Variants in GRM7 observed in about 807,000 individuals in gnomAD.
The protein encoded by GRM7 is glutamate metabotropic receptor 7.
In GRM7, 35 loss-of-function variants were observed where a neutral mutation model predicts 84.5. The ratio of observed to expected loss-of-function variants is 0.41; its 90% CI spans 0.32 to 0.55. The LOEUF is 0.55. GRM7 is among the 20% of genes least tolerant of loss of function. The probability of loss-of-function intolerance (pLI) is 0.19; values close to 1 mark genes in which losing one functional copy is unlikely to be tolerated. For missense variants in GRM7, 1,003 were observed against 1,194.6 expected (o/e 0.84, Z 2.36); for synonymous variants, 487 against 455.1 (o/e 1.07, Z -0.89).
intron 1 of GRM7, among the ~76,000 whole-genome samples, chr3:7,025,586 T>C (rs1695953585): frequency 6.6e-6 from 1 of 152,186 alleles, no homozygotes; most frequent in Non-Finnish European, 1.5e-5. Context: ...CCCTGAGTCA[T>C]GCCTGCAGAC....
intron 2 of GRM7, among the ~76,000 whole-genome samples, chr3:7,235,134 CCTATGTTACCTTA>C (rs1438433678): frequency 6.6e-6 from 1 of 152,208 alleles, no homozygotes; most frequent in African/African-American, 2.4e-5. Flanking sequence ...CCACATTAAA[CCTATGTTACCTTA>C]CTAGTTACTA....
chr3:7,093,990 A>G (rs1698766743), intron 1 of GRM7, among the ~76,000 whole-genome samples: 1 of 152,172 alleles, frequency 6.6e-6, no homozygotes, highest in African/African-American at 2.4e-5. Context: ...TTAGGTAGCC[A>G]TCTTTCCATC....
At chr3:7,075,270 A>G (rs1041899158) in intron 1 of GRM7, among the ~76,000 whole-genome samples, 2 of 152,154 alleles carry the variant, frequency 1.3e-5, no homozygotes, top group Non-Finnish European at 2.9e-5. Flanking sequence ...CTGAACACCC[A>G]GGGGAGGATT....
intron 2 of GRM7, among the ~76,000 whole-genome samples, chr3:7,260,740 T>C (rs1348898488): frequency 6.6e-6 from 1 of 151,432 alleles, no homozygotes; most frequent in Non-Finnish European, 1.5e-5. Flanking sequence ...TGATTTTTGT[T>C]ATTTCTTGTC....
intron 8 of GRM7, among the ~76,000 whole-genome samples, chr3:7,582,692 T>C (rs1695317710): frequency 6.6e-6 from 1 of 152,108 alleles, no homozygotes; most frequent in Non-Finnish European, 1.5e-5. Flanking sequence ...GTAATTTGAT[T>C]TCCACGGGAG....
intron 4 of GRM7, among the ~76,000 whole-genome samples, chr3:7,363,372 AAC>A (rs1395937379): frequency 1.3e-5 from 2 of 152,056 alleles, no homozygotes; most frequent in African/African-American, 4.8e-5. Flanking sequence ...ATCAAGACAA[AAC>A]AAAGTTAGAG....
At chr3:7,667,877 A>C (rs1235714819) in intron 8 of GRM7, among the ~76,000 whole-genome samples, 1 of 151,674 alleles carries the variant, frequency 6.6e-6, no homozygotes, top group African/African-American at 2.4e-5. Flanking sequence ...AAAAAAAAAA[A>C]ACTTCAACGC....
At chr3:6,900,898 G>A (rs771323754) in intron 1 of GRM7, among the ~76,000 whole-genome samples, 17 of 152,162 alleles carry the variant, frequency 1.1e-4, no homozygotes, top group Admixed American at 8.5e-4. Flanking sequence ...ACAAGATCCA[G>A]TGCAACATTC....
chr3:7,445,344 G>A (rs1319459227), intron 5 of GRM7, among the ~76,000 whole-genome samples: 1 of 152,168 alleles, frequency 6.6e-6, no homozygotes, highest in Non-Finnish European at 1.5e-5. Context: ...TGAAGTAACA[G>A]AGAGGCAAGA....
At position 7,151,581 on chromosome 3, in the gene GRM7, A is replaced by C. The variant is rs936345091; in HGVS notation, c.736+4913A>C. 6.6e-6 allele frequency among the ~76,000 whole-genome samples: 1 copy of C among 152,174 alleles called. No homozygotes were observed. The highest frequency in any genetic ancestry group is 1.5e-5 in the Non-Finnish European group (1 of 68,032). On this transcript the variant is annotated intron_variant, in intron 2 of 9. Transcript: ENST00000357716. This position sits in a 1 kb window ranked among gnomAD's most constrained non-coding sequence, Gnocchi z 4.5. ...TTGCCAATTTACTTTAAGCTCCATA[A>C]GGGCAAGGACATTTTCCTGTGTTTC... is the stretch of plus-strand genomic sequence containing the variant.
intron 7 of GRM7, among the ~76,000 whole-genome samples, chr3:7,505,908 A>G (rs1013696639): frequency 6.6e-6 from 1 of 152,154 alleles, no homozygotes; most frequent in Admixed American, 6.5e-5. Context: ...TTTGATCCAT[A>G]CTAATTTCCT....
chr3:7,241,331 A>G (rs1697551222), intron 2 of GRM7, among the ~76,000 whole-genome samples: 1 of 152,204 alleles, frequency 6.6e-6, no homozygotes, highest in African/African-American at 2.4e-5. Context: ...CTGCGTTGTC[A>G]TCATCATCCT....
intron 7 of GRM7, among the ~76,000 whole-genome samples, chr3:7,516,066 C>T (rs910042268): frequency 1.4e-5 from 2 of 147,656 alleles, no homozygotes; most frequent in Non-Finnish European, 3.0e-5. Context: ...ACTTGGGATG[C>T]TGAGGTGGGA....
At chr3:7,361,241 T>C (rs992981091) in intron 4 of GRM7, among the ~76,000 whole-genome samples, 1 of 152,110 alleles carries the variant, frequency 6.6e-6, no homozygotes, top group Non-Finnish European at 1.5e-5. Context: ...AACTAGATTA[T>C]TTTTAACGTG....
chr3:7,621,547 T>C (rs1697356160), intron 8 of GRM7, among the ~76,000 whole-genome samples: 1 of 152,106 alleles, frequency 6.6e-6, no homozygotes, highest in Non-Finnish European at 1.5e-5. Flanking sequence ...GGAGTTGAAA[T>C]GCTTGTGTAT....
At chr3:7,095,742 C>T (rs186979161) in intron 1 of GRM7, among the ~76,000 whole-genome samples, 1 of 152,138 alleles carries the variant, frequency 6.6e-6, no homozygotes, top group Non-Finnish European at 1.5e-5. Context: ...AAAATTATGA[C>T]TTCTGTGCCC....
At chr3:7,450,761 C>A (rs1192225400) in intron 5 of GRM7, among the ~76,000 whole-genome samples, 1 of 151,772 alleles carries the variant, frequency 6.6e-6, no homozygotes, top group East Asian at 1.9e-4. Flanking sequence ...ACCCTAGATC[C>A]CGTGACAGGC....
At chr3:6,892,493 C>T (rs534991259) in intron 1 of GRM7, 1 of 152,230 alleles carries the variant, frequency 6.6e-6, no homozygotes, top group South Asian at 2.1e-4. Flanking sequence ...GTATCTGGCT[C>T]CTGTTGCTTG....
intron 7 of GRM7, among the ~76,000 whole-genome samples, chr3:7,462,186 C>A (rs1452447164): frequency 6.6e-6 from 1 of 151,976 alleles, no homozygotes; most frequent in Non-Finnish European, 1.5e-5. Context: ...TTTCTGTAAC[C>A]TCTCCCACTT....
Sources: allele counts gnomAD v4.1 joint callset (sites outside exome capture counted in the v4.1 genomes callset), GRCh38; gene constraint gnomAD v4.1.1; non-coding constraint Gnocchi (gnomAD v3.1); transcripts MANE v1.5; gene names NCBI Gene and HGNC (gene_info 2026-07-23, HGNC 2026-07-21).